Variants in TRIO observed in about 807,000 individuals in gnomAD.
TRIO encodes trio Rho guanine nucleotide exchange factor.
TRIO carries 58 observed loss-of-function variants against 351.9 expected under a neutral mutation model. The ratio of observed to expected loss-of-function variants is 0.16; its 90% CI spans 0.13 to 0.21. The LOEUF (loss-of-function observed/expected upper bound fraction) is 0.21. Ranked by LOEUF, TRIO falls within the 10% of genes least tolerant of loss-of-function variation. The pLI is 1.00. For synonymous variants in TRIO, 1,758 were observed against 1,595.7 expected, an observed-to-expected ratio of 1.10 and a Z score of -2.42; for missense variants, 3,201 against 4,027.8, an observed-to-expected ratio of 0.79 and a Z score of 5.56.
chr5:14,309,590 T>G (rs1022887630), intron 8 of TRIO, among the ~76,000 whole-genome samples: 10 of 152,216 alleles, frequency 6.6e-5, no homozygotes, highest in Non-Finnish European at 1.0e-4. Flanking sequence ...TGAATCTCCA[T>G]TTTCAGAGGC....
chr5:14,402,595 G>T (rs1384459164), intron 31 of TRIO, among the ~76,000 whole-genome samples: 1 of 151,984 alleles, frequency 6.6e-6, no homozygotes, highest in Admixed American at 6.6e-5. Context: ...ATGGCAGTGA[G>T]GGTGGAGATG....
intron 2 of TRIO, among the ~76,000 whole-genome samples, chr5:14,278,908 A>G (rs748956948): frequency 6.6e-6 from 1 of 152,212 alleles, no homozygotes; most frequent in Non-Finnish European, 1.5e-5. Context: ...TCGAAAGATC[A>G]TGCAATTTTC....
At chr5:14,404,011 TGTG>T (rs1184586949) in intron 31 of TRIO, among the ~76,000 whole-genome samples, 81 of 76,074 alleles carry the variant, frequency 1.1e-3, no homozygotes, top group Middle Eastern at 0.014. Context: ...GGGTGTAGGT[TGTG>T]GTGAGGGTGT....
chr5:14,454,634 G>A (rs186706532), intron 34 of TRIO, among the ~76,000 whole-genome samples: 1 of 152,296 alleles, frequency 6.6e-6, no homozygotes, highest in East Asian at 1.9e-4. Context: ...TAAGCTCCAG[G>A]TGTATGCCAC....
At position 14,381,130 on chromosome 5, in the gene TRIO, G is replaced by T. The variant is rs1388167953; in HGVS notation, c.3448G>T (p.Ala1150Ser). 6.2e-7 allele frequency: 1 copy of T among 1,613,328 alleles called. No homozygotes were observed. Among genetic ancestry groups the T allele is most frequent in the African/African-American group, 1.3e-5 (1 of 74,928 alleles). ...YVVFERSAKQ[A>S]LEWIHDNGEF... ...CTCCATTCATTCCTTCCCCTTCCAGGCTTTGGAATGGATCCATGACAATGG... is the reference window on the plus strand; with the variant it reads ...CTCCATTCATTCCTTCCCCTTCCAGTCTTTGGAATGGATCCATGACAATGG... The change falls in exon 21 of 57, where the codon GCT becomes TCT. Residue 1150 changes from alanine to serine, a missense_variant and splice_region_variant. Coordinates refer to ENST00000344204, the MANE Select transcript of TRIO (RefSeq NM_007118.4).
intron 1 of TRIO, among the ~76,000 whole-genome samples, chr5:14,269,316 T>C (rs1795859621): frequency 6.6e-6 from 1 of 152,230 alleles, no homozygotes; most frequent in Admixed American, 6.5e-5. Context: ...TATTCATTCT[T>C]TGTTTCTATG....
intron 1 of TRIO, among the ~76,000 whole-genome samples, chr5:14,257,720 A>C (rs30603): frequency 0.18 from 27,632 of 152,200 alleles, 2,794 homozygotes; most frequent in East Asian, 0.37. Flanking sequence ...GATTGTGTGG[A>C]TTTTTAAAAA....
chr5:14,477,943 G>A (rs995986923), intron 41 of TRIO, among the ~76,000 whole-genome samples: 3 of 152,196 alleles, frequency 2.0e-5, no homozygotes, highest in African/African-American at 4.8e-5. Flanking sequence ...TTGCTTGAAA[G>A]CTGTAATTTT....
At position 14,235,381 on chromosome 5, in the gene TRIO, A is replaced by T. The variant is rs975634955; in HGVS notation, c.158-35444A>T. Among the ~76,000 whole-genome samples the T allele has an allele frequency of 1.3e-4, 20 of 152,186 alleles. 1 individual carries two copies. The highest frequency in any genetic ancestry group is 4.8e-4 in the African/African-American group (20 of 41,448). On this transcript the variant is annotated intron_variant, in intron 1 of 56. Transcript: ENST00000344204. ...ACAGTAAATAGCATGAAGTCAGAAGACCTGGGTTTGATGATTGCTTCCTGG... is the reference window on the plus strand; with the variant it reads ...ACAGTAAATAGCATGAAGTCAGAAGTCCTGGGTTTGATGATTGCTTCCTGG...
intron 34 of TRIO, among the ~76,000 whole-genome samples, chr5:14,448,186 A>G (rs1752578749): frequency 6.6e-6 from 1 of 152,214 alleles, no homozygotes; most frequent in Non-Finnish European, 1.5e-5. Context: ...TAATTTTGTG[A>G]AAAGAACAGC....
chr5:14,484,955 GA>G, intron 46 of TRIO, 113 bp from the exon 47 acceptor site: 1 of 1,176,786 alleles, frequency 8.5e-7, no homozygotes, highest in South Asian at 2.1e-5. Flanking sequence ...CATTAAGGCT[GA>G]AAAACTGTCC....
rs57751910 is a variant in TRIO at position 14,388,688 on chromosome 5, GTT to G, written c.3948+26_3948+27del. ...TCCGGGAATGTATGGATGTAAGTAAGTTTTTTTTTTTTTTTTTTGCTTGTTTA... is the reference window on the plus strand; with the variant it reads ...TCCGGGAATGTATGGATGTAAGTAAGTTTTTTTTTTTTTTTTGCTTGTTTA... On this transcript the variant is annotated intron_variant, in intron 24 of 56. Coordinates refer to ENST00000344204, the MANE Select transcript of TRIO (RefSeq NM_007118.4). 12,460 of 1,408,102 alleles carry G rather than the reference GTT, an allele frequency of 8.8e-3. No individual in the cohort carries two copies. Among genetic ancestry groups the G allele is most frequent in the South Asian group, 0.015 (1,075 of 72,312 alleles). 87.2% of individuals were successfully genotyped at this position (1,408,102 alleles called of 1,614,324 possible). A position where few individuals can be genotyped will look rare whatever the true frequency, so the allele number is the denominator to read the frequency against.
intron 33 of TRIO, among the ~76,000 whole-genome samples, chr5:14,407,414 G>T (rs1315252277): frequency 6.6e-6 from 1 of 152,226 alleles, no homozygotes; most frequent in Non-Finnish European, 1.5e-5. Context: ...GTGAAGCAGA[G>T]ATCAGGACCT....
intron 45 of TRIO, chr5:14,481,945 G>T: frequency 3.4e-6 from 1 of 290,160 alleles, no homozygotes; most frequent in Non-Finnish European, 6.4e-6. Flanking sequence ...GGTTAGCTAT[G>T]GATGTAGTAG....
intron 1 of TRIO, among the ~76,000 whole-genome samples, chr5:14,180,951 G>A (rs1346634249): frequency 6.6e-6 from 1 of 151,848 alleles, no homozygotes; most frequent in Non-Finnish European, 1.5e-5. Context: ...ATTTAATTTT[G>A]TCTAGGGAAA....
At chr5:14,254,252 C>T (rs772760210) in intron 1 of TRIO, among the ~76,000 whole-genome samples, 3 of 149,546 alleles carry the variant, frequency 2.0e-5, no homozygotes, top group African/African-American at 7.4e-5. Flanking sequence ...GGCATGATAT[C>T]GGCTCACTGC....
chr5:14,172,602 G>T (rs1471648881), intron 1 of TRIO, among the ~76,000 whole-genome samples: 15 of 152,202 alleles, frequency 9.9e-5, no homozygotes, highest in Admixed American at 9.8e-4. Flanking sequence ...ATAACAGGGG[G>T]GATGATATCA....
chr5:14,194,735 T>G (rs115649484), intron 1 of TRIO, among the ~76,000 whole-genome samples: 2,681 of 152,358 alleles, frequency 0.018, 76 homozygotes, highest in African/African-American at 0.062. Flanking sequence ...TAAGTCTGTA[T>G]TTATTTTTAC....
At chr5:14,175,825 C>T (rs1435945851) in intron 1 of TRIO, among the ~76,000 whole-genome samples, 2 of 152,164 alleles carry the variant, frequency 1.3e-5, no homozygotes, top group South Asian at 4.1e-4. Context: ...GACGGGATAC[C>T]TAGACTGCTA....
Sources: allele counts gnomAD v4.1 joint callset (sites outside exome capture counted in the v4.1 genomes callset), GRCh38; gene constraint gnomAD v4.1.1; transcripts MANE v1.5; gene names NCBI Gene and HGNC (gene_info 2026-07-23, HGNC 2026-07-21).